CMIP: variants seen among roughly 807,000 people sequenced by gnomAD.
CMIP encodes the protein c-Maf inducing protein.
A neutral mutation model predicts 97.3 loss-of-function variants in CMIP; 13 were observed. The observed-to-expected ratio is 0.13, with a 90% CI of 0.09 to 0.21. The LOEUF is 0.21. Among genes scored for constraint, CMIP ranks in the 10% least tolerant of loss-of-function variants. The pLI is 1.00. For missense variants in CMIP, 847 were observed against 1,024.9 expected (o/e 0.83, Z 2.37); for synonymous variants, 538 against 436.3 (o/e 1.23, Z -2.91).
At chr16:81,615,724 GGTGTGTGTGTGTATGGT>G (rs1373664773) in intron 2 of CMIP, among the ~76,000 whole-genome samples, 1 of 147,214 alleles carries the variant, frequency 6.8e-6, no homozygotes, top group East Asian at 2.0e-4. Flanking sequence ...ATGTGTAACT[GGTGTGTGTGTGTATGGT>G]GTGTGTGTGG....
intron 1 of CMIP, among the ~76,000 whole-genome samples, chr16:81,512,700 A>G (rs1567552039): frequency 6.6e-6 from 1 of 151,910 alleles, no homozygotes; most frequent in African/African-American, 2.4e-5. Context: ...TTTCTTTTTT[A>G]TTAATAAAAT....
intron 17 of CMIP, chr16:81,703,712 C>T (rs776544636): frequency 5.0e-5 from 29 of 579,978 alleles, no homozygotes; most frequent in East Asian, 1.8e-4. Context: ...CTTTCTCCTC[C>T]GCCTGGCAGC....
chr16:81,511,901 C>A (rs1046708865), intron 1 of CMIP, among the ~76,000 whole-genome samples: 2 of 152,156 alleles, frequency 1.3e-5, no homozygotes, highest in Non-Finnish European at 1.5e-5. Context: ...ATACCACGGC[C>A]ACCAGCCACA....
chr16:81,461,464 C>A (rs750243758), intron 1 of CMIP, among the ~76,000 whole-genome samples: 1 of 152,144 alleles, frequency 6.6e-6, no homozygotes, highest in Non-Finnish European at 1.5e-5. Flanking sequence ...TCAACCCTAG[C>A]GTAATTAGTC....
intron 10 of CMIP, among the ~76,000 whole-genome samples, chr16:81,680,489 C>T (rs1042799027): frequency 2.6e-5 from 4 of 152,246 alleles, no homozygotes; most frequent in Non-Finnish European, 5.9e-5. Flanking sequence ...CCCACATAGC[C>T]TCCTCTGCCC....
rs950554455 is a variant in CMIP, at chr16:81,709,983, G to A, written c.*184G>A. 25 of 564,784 alleles carry A rather than the reference G, an allele frequency of 4.4e-5. No homozygotes were observed. The highest frequency in any genetic ancestry group is 1.7e-4 in the African/African-American group (9 of 52,036). 35.0% of individuals were successfully genotyped at this position (564,784 alleles called of 1,614,324 possible). ...GGGCCCACAAGCACGCCCAGCCCCC[G>A]CCGAATTCTTTTAGCTTCGTAATTG... On this transcript the variant is annotated 3_prime_UTR_variant, in exon 21 of 21. Coordinates refer to ENST00000537098, the MANE Select transcript of CMIP (RefSeq NM_198390.3).
chr16:81,654,997 G>A (rs1230176750), intron 4 of CMIP, among the ~76,000 whole-genome samples: 1 of 152,174 alleles, frequency 6.6e-6, no homozygotes, highest in East Asian at 1.9e-4. Context: ...CTGTAAATTG[G>A]GTCTGAGACG....
intron 1 of CMIP, among the ~76,000 whole-genome samples, chr16:81,530,873 G>A (rs1024727341): frequency 5.3e-5 from 8 of 152,204 alleles, no homozygotes; most frequent in East Asian, 3.9e-4. Flanking sequence ...TTTCTCTACC[G>A]TCCCAGGGAG....
intron 3 of CMIP, chr16:81,631,685 C>G (rs2092161679): frequency 6.6e-6 from 1 of 152,282 alleles, no homozygotes; most frequent in Admixed American, 6.5e-5. Flanking sequence ...GGGTGGTGTT[C>G]TGTTGTCTGG....
rs558296798 is a variant in CMIP at position 81,634,836 on chromosome 16, C to T, written c.477+13910C>T. 4.6e-5 allele frequency among the ~76,000 whole-genome samples: 7 copies of T among 152,226 alleles called. No homozygotes were observed. The South Asian group carries it at 1.2e-3, about 27-fold the overall frequency. On this transcript the variant is annotated intron_variant, in intron 3 of 20. Transcript: ENST00000537098. ...GGAGGCTTCCAAACAAAGCCATGAA[C>T]AGATCAGATGTCCTTTGAAGTGCTG... is the stretch of plus-strand genomic sequence containing the variant.
At chr16:81,456,310 C>A (rs1906541759) in intron 1 of CMIP, among the ~76,000 whole-genome samples, 1 of 152,224 alleles carries the variant, frequency 6.6e-6, no homozygotes, top group African/African-American at 2.4e-5. Context: ...TTCGTCCTCT[C>A]ATCAGCCCCG....
At chr16:81,587,065 T>C (rs1369181231) in intron 1 of CMIP, among the ~76,000 whole-genome samples, 11 of 152,354 alleles carry the variant, frequency 7.2e-5, no homozygotes, top group African/African-American at 2.6e-4. Context: ...GTTTTTGTTT[T>C]TGATGCAGTG....
chr16:81,601,547 A>G (rs146671955), intron 1 of CMIP, among the ~76,000 whole-genome samples: 9 of 151,836 alleles, frequency 5.9e-5, no homozygotes, highest in African/African-American at 1.9e-4. Context: ...TCTAGGCCCT[A>G]TTTTTTCCAG....
chr16:81,523,801 C>T (rs986244698), intron 1 of CMIP, among the ~76,000 whole-genome samples: 3 of 152,232 alleles, frequency 2.0e-5, no homozygotes, highest in Admixed American at 1.3e-4. Context: ...CACCAGGTAA[C>T]CCTGAACCTC....
chr16:81,519,787 C>T (rs545248367), intron 1 of CMIP: 1 of 152,348 alleles, frequency 6.6e-6, no homozygotes, highest in Non-Finnish European at 1.5e-5. Context: ...CATGGAGATG[C>T]CTCAGTGAGG....
At chr16:81,588,147 C>T (rs1427353161) in intron 1 of CMIP, among the ~76,000 whole-genome samples, 2 of 152,278 alleles carry the variant, frequency 1.3e-5, no homozygotes, top group African/African-American at 4.8e-5. Context: ...CAGAACGAGA[C>T]CCTCCGGATC....
rs1387107981 is a variant in CMIP at position 81,614,755 on chromosome 16, CTA to C, written c.427-6119_427-6118del. ...TGTGTCTCTGTGAGTGTGTATGTGT[CTA>C]TGTCTGTGGTGTGTGTGGTATGTGT... On this transcript the variant is annotated intron_variant, in intron 2 of 20. Transcript: ENST00000537098. This position sits in a 1 kb window ranked among gnomAD's most constrained non-coding sequence, Gnocchi z 5.3. 1.0e-4 allele frequency among the ~76,000 whole-genome samples: 15 copies of C among 150,492 alleles called. No homozygotes were observed. The highest frequency in any genetic ancestry group is 2.1e-4 in the South Asian group (1 of 4,728).
intron 3 of CMIP, among the ~76,000 whole-genome samples, chr16:81,640,889 G>A (rs76132571): frequency 0.11 from 16,630 of 152,068 alleles, 1,105 homozygotes; most frequent in Middle Eastern, 0.21. Flanking sequence ...TTCCAAAGAA[G>A]GTCATAGTCA....
At chr16:81,686,767 A>C (rs1432551386) in intron 10 of CMIP, among the ~76,000 whole-genome samples, 2 of 152,136 alleles carry the variant, frequency 1.3e-5, no homozygotes, top group African/African-American at 4.8e-5. Flanking sequence ...ATGGGAGTGA[A>C]CATTTGTACT....
Sources: allele counts gnomAD v4.1 joint callset (sites outside exome capture counted in the v4.1 genomes callset), GRCh38; gene constraint gnomAD v4.1.1; non-coding constraint Gnocchi (gnomAD v3.1); transcripts MANE v1.5; gene names NCBI Gene and HGNC (gene_info 2026-07-23, HGNC 2026-07-21).